CCSER1: variants seen among roughly 807,000 people sequenced by gnomAD.
The protein encoded by CCSER1 is serine-rich coiled-coil domain-containing protein 1.
CCSER1 carries 41 observed loss-of-function variants against 82.0 expected under a neutral mutation model. The ratio of observed to expected loss-of-function variants is 0.50; its 90% CI spans 0.39 to 0.65. The LOEUF (loss-of-function observed/expected upper bound fraction) is 0.65. Ranked by LOEUF, CCSER1 falls within the 30% of genes least tolerant of loss-of-function variation. CCSER1 has a pLI of 0.00. For synonymous variants in CCSER1, 414 were observed against 383.9 expected, an observed-to-expected ratio of 1.08 and a Z score of -0.92; for missense variants, 1,119 against 1,064.2, an observed-to-expected ratio of 1.05 and a Z score of -0.72.
intron 5 of CCSER1, among the ~76,000 whole-genome samples, chr4:90,552,077 A>T (rs1444816363): frequency 2.0e-5 from 3 of 152,098 alleles, no homozygotes; most frequent in Non-Finnish European, 4.4e-5. Context: ...TTTTATAAAG[A>T]CCTTAGCCCC....
At chr4:91,581,696 C>T (rs1437496250) in intron 10 of CCSER1, among the ~76,000 whole-genome samples, 1 of 151,452 alleles carries the variant, frequency 6.6e-6, no homozygotes, top group African/African-American at 2.4e-5. Context: ...TGAGTAAATT[C>T]AAAAATAAGT....
At chr4:90,770,712 T>A (rs569590188) in intron 7 of CCSER1, among the ~76,000 whole-genome samples, 86 of 151,236 alleles carry the variant, frequency 5.7e-4, no homozygotes, top group Non-Finnish European at 9.0e-4. Flanking sequence ...ACTAGCACTC[T>A]CTCTCACTAC....
intron 9 of CCSER1, among the ~76,000 whole-genome samples, chr4:90,946,415 G>A (rs992952600): frequency 2.0e-5 from 3 of 152,246 alleles, no homozygotes; most frequent in East Asian, 1.9e-4. Flanking sequence ...TGTATCACTC[G>A]AGATTAGGAG....
At chr4:91,200,640 G>C (rs1735830155) in intron 10 of CCSER1, among the ~76,000 whole-genome samples, 1 of 151,994 alleles carries the variant, frequency 6.6e-6, no homozygotes, top group Admixed American at 6.6e-5. Flanking sequence ...CAATCAGTAA[G>C]TAATCTATGA....
At chr4:90,894,755 A>T (rs541650519) in intron 8 of CCSER1, among the ~76,000 whole-genome samples, 1 of 152,020 alleles carries the variant, frequency 6.6e-6, no homozygotes, top group African/African-American at 2.4e-5. Flanking sequence ...AGTGCCAATG[A>T]TGGTTCTACT....
chr4:91,413,498 A>G (rs536294068), intron 10 of CCSER1, among the ~76,000 whole-genome samples: 1 of 151,806 alleles, frequency 6.6e-6, no homozygotes, highest in South Asian at 2.1e-4. Context: ...AACAAGAACA[A>G]CAACAACAAA....
At chr4:91,020,901 C>G (rs982910238) in intron 9 of CCSER1, among the ~76,000 whole-genome samples, 2 of 152,096 alleles carry the variant, frequency 1.3e-5, no homozygotes, top group Non-Finnish European at 2.9e-5. Flanking sequence ...GATCTACTTA[C>G]TATACACTAT....
intron 1 of CCSER1, among the ~76,000 whole-genome samples, chr4:90,270,464 A>G (rs973778611): frequency 1.3e-5 from 2 of 151,730 alleles, no homozygotes; most frequent in Admixed American, 1.3e-4. Flanking sequence ...ATAAAACTGT[A>G]AAAAATACTG....
Position 90,164,050 on chromosome 4 carries a change from A to C in CCSER1, c.-42+36219A>C, listed in dbSNP as rs375262665. Among the ~76,000 whole-genome samples the C allele has an allele frequency of 1.7e-4, 26 of 152,204 alleles. No individual in the cohort carries two copies. The East Asian group carries it at 2.1e-3, about 12-fold the overall frequency. On this transcript the variant is annotated intron_variant, in intron 1 of 10. Transcript: ENST00000509176. The stretch of plus-strand genomic sequence containing the variant: ...GCTGCTGTCTTGGGTCATGTTTGTC[A>C]GGGGTTGACAAGCACTTTAGGATGT...
At chr4:90,720,131 TCTCTTTGG>T (rs1391564932) in intron 6 of CCSER1, among the ~76,000 whole-genome samples, 1 of 152,144 alleles carries the variant, frequency 6.6e-6, no homozygotes, top group Non-Finnish European at 1.5e-5. Flanking sequence ...TTGTTCTTTG[TCTCTTTGG>T]CATACCCCTG....
chr4:90,731,405 G>A (rs1369770176), intron 7 of CCSER1, among the ~76,000 whole-genome samples: 1 of 152,120 alleles, frequency 6.6e-6, no homozygotes, highest in Non-Finnish European at 1.5e-5. Flanking sequence ...AATCCTACAA[G>A]TAATACTAAT....
chr4:90,196,390 C>T (rs576926078), intron 1 of CCSER1, among the ~76,000 whole-genome samples: 2 of 152,150 alleles, frequency 1.3e-5, no homozygotes, highest in African/African-American at 4.8e-5. Flanking sequence ...CTTTATCCTT[C>T]ACTTATCTCC....
At chr4:90,161,940 A>G (rs1417134705) in intron 1 of CCSER1, among the ~76,000 whole-genome samples, 1 of 152,108 alleles carries the variant, frequency 6.6e-6, no homozygotes, top group Non-Finnish European at 1.5e-5. Flanking sequence ...CTTTTGTAAA[A>G]CACAGTTTTT....
At chr4:90,201,022 A>G (rs1360112705) in intron 1 of CCSER1, among the ~76,000 whole-genome samples, 1 of 152,152 alleles carries the variant, frequency 6.6e-6, no homozygotes, top group Non-Finnish European at 1.5e-5. Context: ...TTCAAAATAG[A>G]GTCCATAATG....
At chr4:90,757,544 C>T (rs1367246700) in intron 7 of CCSER1, among the ~76,000 whole-genome samples, 1 of 152,156 alleles carries the variant, frequency 6.6e-6, no homozygotes, top group Non-Finnish European at 1.5e-5. Flanking sequence ...GCAATGGCCT[C>T]CTATAAAGTT....
rs537810626 is a variant in CCSER1 at position 90,997,268 on chromosome 4, A to AAGCCAGCAGCACAGCATCTTCAC, written c.2172+73823_2172+73845dup. ...ATCATGGCACCATCCTTCATCTTCA[A>AAGCCAGCAGCACAGCATCTTCAC]AGCCAGCAGCACAGCATCTTCACAT... is the stretch of plus-strand genomic sequence containing the variant. On this transcript the variant is annotated intron_variant, in intron 9 of 10. Coordinates refer to ENST00000509176, the MANE Select transcript of CCSER1 (RefSeq NM_001145065.2). Among the ~76,000 whole-genome samples the AAGCCAGCAGCACAGCATCTTCAC allele has an allele frequency of 2.6e-4, 40 of 152,104 alleles. No individual in the cohort carries two copies. In the East Asian group the frequency reaches 7.0e-3, roughly 27 times the overall value.
chr4:90,229,385 G>A (rs1214794385), intron 1 of CCSER1, among the ~76,000 whole-genome samples: 6 of 151,972 alleles, frequency 3.9e-5, no homozygotes, highest in African/African-American at 1.5e-4. Context: ...TTATAAGTGA[G>A]GGAGAAATAA....
chr4:90,493,836 G>A (rs1379943326), intron 5 of CCSER1, among the ~76,000 whole-genome samples: 3 of 152,128 alleles, frequency 2.0e-5, no homozygotes, highest in Admixed American at 6.6e-5. Flanking sequence ...GACCATCAAG[G>A]CTAGGAAGAA....
intron 7 of CCSER1, among the ~76,000 whole-genome samples, chr4:90,724,199 G>A (rs1022842855): frequency 1.1e-4 from 17 of 151,856 alleles, no homozygotes; most frequent in African/African-American, 4.1e-4. Flanking sequence ...TACTTTATGG[G>A]ACAATTGTTT....
Sources: allele counts gnomAD v4.1 joint callset (sites outside exome capture counted in the v4.1 genomes callset), GRCh38; gene constraint gnomAD v4.1.1; transcripts MANE v1.5; gene names NCBI Gene and HGNC (gene_info 2026-07-23, HGNC 2026-07-21).